Variants in EMC2 observed in about 807,000 individuals in gnomAD.
EMC2 encodes ER membrane protein complex subunit 2, also known as TPR repeat protein 35.
In EMC2, 37 loss-of-function variants were observed where a neutral mutation model predicts 51.6. That is an observed-to-expected ratio of 0.72 (90% confidence interval 0.55 to 0.94). The LOEUF (loss-of-function observed/expected upper bound fraction) is 0.94. Ranked by LOEUF, EMC2 falls within the 40% of genes least tolerant of loss-of-function variation. The pLI is 0.00. For synonymous variants in EMC2, 131 were observed against 112.4 expected (o/e 1.17, Z -1.04); for missense variants, 359 against 350.9 (o/e 1.02, Z -0.18).
At position 108,481,490 on chromosome 8, in the gene EMC2, T is replaced by C. The variant is rs578024383; in HGVS notation, c.807+2380T>C. ...ATTAAAAAAAAAGATTTGTGTAATA[T>C]AAAAGTAACGTTATGCATACTACAT... On this transcript the variant is annotated intron_variant, in intron 10 of 10. Coordinates refer to ENST00000220853, the MANE Select transcript of EMC2 (RefSeq NM_014673.5). 5.9e-5 allele frequency among the ~76,000 whole-genome samples: 9 copies of C among 152,130 alleles called. No homozygotes were observed. The South Asian group carries it at 1.7e-3, about 28-fold the overall frequency.
At chr8:108,448,110 G>A (rs1420087696) in intron 1 of EMC2, among the ~76,000 whole-genome samples, 1 of 152,032 alleles carries the variant, frequency 6.6e-6, no homozygotes, top group Non-Finnish European at 1.5e-5. Context: ...TTATCTAAGG[G>A]TAATCAAAAT....
intron 5 of EMC2, among the ~76,000 whole-genome samples, chr8:108,467,746 A>T (rs1010932796): frequency 5.9e-5 from 9 of 152,266 alleles, no homozygotes; most frequent in Middle Eastern, 6.8e-3. Context: ...TGCTTACAGT[A>T]TCTCATCTCT....
At chr8:108,464,908 C>G (rs949913540) in intron 5 of EMC2, among the ~76,000 whole-genome samples, 4 of 152,070 alleles carry the variant, frequency 2.6e-5, no homozygotes, top group African/African-American at 7.2e-5. Context: ...AGGTATAAAC[C>G]TTGGGGGCAG....
chr8:108,469,756 T>G (rs1810813867), intron 5 of EMC2, 70 bp from the exon 6 acceptor site: 1 of 1,305,642 alleles, frequency 7.7e-7, no homozygotes, highest in Non-Finnish European at 1.1e-6. Flanking sequence ...ATTTGCACAG[T>G]CAAATTACCT....
In EMC2 at chr8:108,461,769, TA is replaced by T. The variant is rs200415358; in HGVS notation, c.363+5849del. Among the ~76,000 whole-genome samples, 30 of 149,828 alleles carry T rather than the reference TA, an allele frequency of 2.0e-4. No individual in the cohort carries two copies. The East Asian group carries it at 3.1e-3, about 16-fold the overall frequency. Reference sequence around the variant, plus strand: ...TTGTGGACAATATAAAATGATATGGTAAAAAAAAAATAAGTCTGTTCCTCTA... The same window carrying T: ...TTGTGGACAATATAAAATGATATGGTAAAAAAAAATAAGTCTGTTCCTCTA... On this transcript the variant is annotated intron_variant, in intron 5 of 10. Transcript: ENST00000220853.
chr8:108,470,734 A>T (rs954273584), intron 7 of EMC2: 1 of 152,102 alleles, frequency 6.6e-6, no homozygotes, highest in Non-Finnish European at 1.5e-5. Context: ...TCTTAGTGCA[A>T]GTTTTCTAAT....
intron 10 of EMC2, among the ~76,000 whole-genome samples, chr8:108,483,187 T>C (rs921647275): frequency 1.3e-5 from 2 of 152,156 alleles, no homozygotes; most frequent in African/African-American, 4.8e-5. Context: ...ACATAAGTTA[T>C]TATGTTTTTC....
At chr8:108,472,743 G>C (rs7842401) in intron 7 of EMC2, among the ~76,000 whole-genome samples, 103,819 of 151,738 alleles carry the variant, frequency 0.68, 36,081 homozygotes, top group African/African-American at 0.81. Context: ...ACCAGTCTTG[G>C]GGACACAGTG....
rs767278625 is a variant in EMC2, at chr8:108,479,127, C to T, written c.807+17C>T. ...GCTTATCAGGTTAGTATTTATTGAT[C>T]ATTTTGCTATGTAGGTCAGTTAATG... On this transcript the variant is annotated intron_variant, in intron 10 of 10. Coordinates refer to ENST00000220853, the MANE Select transcript of EMC2 (RefSeq NM_014673.5). The T allele has an allele frequency of 4.0e-5, 56 of 1,404,382 alleles. No homozygotes were observed. The highest frequency in any genetic ancestry group is 4.1e-4 in the Middle Eastern group (2 of 4,930). 87.0% of individuals were successfully genotyped at this position (1,404,382 alleles called of 1,614,324 possible). A position where few individuals can be genotyped will look rare whatever the true frequency, so the allele number is the denominator to read the frequency against.
chr8:108,470,169 T>C, intron 7 of EMC2, 48 bp downstream of exon 7: 2 of 1,319,648 alleles, frequency 1.5e-6, no homozygotes, highest in Non-Finnish European at 2.2e-6. Context: ...TTTTCATCAC[T>C]GTAAGTTCAG....
intron 5 of EMC2, among the ~76,000 whole-genome samples, chr8:108,466,442 A>ATTATTTTTT (rs1819467176): frequency 1.1e-5 from 1 of 91,036 alleles, no homozygotes; most frequent in African/African-American, 4.7e-5. Context: ...CTATGATAGA[A>ATTATTTTTT]TTTTTTTTTT....
intron 5 of EMC2, among the ~76,000 whole-genome samples, chr8:108,466,037 T>G (rs913542409): frequency 6.6e-6 from 1 of 152,312 alleles, no homozygotes; most frequent in South Asian, 2.1e-4. Context: ...GGACCATCAC[T>G]GAGCTAAACA....
chr8:108,469,050 T>A (rs2130385882), intron 5 of EMC2, among the ~76,000 whole-genome samples: 1 of 152,324 alleles, frequency 6.6e-6, no homozygotes, highest in Non-Finnish European at 1.5e-5. Flanking sequence ...TGTCAGAATC[T>A]CTTCCTTATT....
At chr8:108,461,868 G>A (rs1023965236) in intron 5 of EMC2, among the ~76,000 whole-genome samples, 2 of 151,772 alleles carry the variant, frequency 1.3e-5, no homozygotes, top group Admixed American at 6.6e-5. Flanking sequence ...TTGCTCTGTC[G>A]CCAGGCTGTG....
chr8:108,466,109 T>C (rs909394397), intron 5 of EMC2, among the ~76,000 whole-genome samples: 8 of 152,224 alleles, frequency 5.3e-5, no homozygotes, highest in Non-Finnish European at 1.0e-4. Context: ...CTTTATTCTA[T>C]AGGCATACAA....
intron 4 of EMC2, 37 bp from the exon 5 acceptor site, chr8:108,455,836 G>T: frequency 2.7e-6 from 2 of 728,654 alleles, no homozygotes; most frequent in South Asian, 2.0e-5. Context: ...TATTTTTAAG[G>T]TAATAATTGT....
chr8:108,485,552 TATACACAC>T (rs779544246), intron 10 of EMC2, among the ~76,000 whole-genome samples: 2 of 140,954 alleles, frequency 1.4e-5, no homozygotes, highest in African/African-American at 2.6e-5. Context: ...TGTATATATA[TATACACAC>T]ACACACACAT....
chr8:108,467,427 C>CA (rs1209984171), intron 5 of EMC2, among the ~76,000 whole-genome samples: 1 of 152,022 alleles, frequency 6.6e-6, no homozygotes, highest in Non-Finnish European at 1.5e-5. Context: ...CAGCTCACTG[C>CA]AACCTCCACC....
At chr8:108,448,827 A>T (rs1818942526) in intron 1 of EMC2, among the ~76,000 whole-genome samples, 1 of 152,124 alleles carries the variant, frequency 6.6e-6, no homozygotes, top group African/African-American at 2.4e-5. Context: ...ATTGACATAT[A>T]AAATTTAAAA....
Sources: gnomAD v4.1 joint callset for allele counts (sites outside exome capture counted in the v4.1 genomes callset) on GRCh38, gnomAD v4.1.1 for gene constraint, MANE v1.5 for transcripts, NCBI Gene and HGNC (gene_info 2026-07-23, HGNC 2026-07-21) for gene names.